The following NR3C2 variants were observed in gnomAD, a reference collection of about 807,000 sequenced individuals.
The protein encoded by NR3C2 is mineralocorticoid receptor.
A neutral mutation model predicts 86.4 loss-of-function variants in NR3C2; 15 were observed. The observed-to-expected ratio is 0.17, with a 90% CI of 0.12 to 0.27. The LOEUF is 0.27. NR3C2 is among the 10% of genes least tolerant of loss of function. The probability of loss-of-function intolerance (pLI) is 1.00; values close to 1 mark genes in which losing one functional copy is unlikely to be tolerated. For synonymous variants in NR3C2, 458 were observed against 450.5 expected (o/e 1.02, Z -0.21); for missense variants, 960 against 1,195.6 (o/e 0.80, Z 2.91).
rs35947630 is a variant in NR3C2, at chr4:148,184,294, C to CA, written c.2014+10451dup. Among the ~76,000 whole-genome samples, 1,192 of 141,284 alleles carry CA rather than the reference C, an allele frequency of 8.4e-3. 8 individuals carry two copies. The highest frequency in any genetic ancestry group is 0.025 in the Middle Eastern group (7 of 276). 92.7% of individuals were successfully genotyped at this position (141,284 alleles called of 152,430 possible). A position where few individuals can be genotyped will look rare whatever the true frequency, so the allele number is the denominator to read the frequency against. ...TGAAACCCCAACTCTACTAAAAATACAAAAAAAAAAAAAAATTAGCTTGGT... is the reference window on the plus strand; with the variant it reads ...TGAAACCCCAACTCTACTAAAAATACAAAAAAAAAAAAAAAATTAGCTTGGT... On this transcript the variant is annotated intron_variant, in intron 4 of 8. Coordinates refer to ENST00000358102, the MANE Select transcript of NR3C2 (RefSeq NM_000901.5).
intron 8 of NR3C2, among the ~76,000 whole-genome samples, chr4:148,109,764 C>T (rs1399460707): frequency 6.6e-6 from 1 of 152,174 alleles, no homozygotes; most frequent in African/African-American, 2.4e-5. Context: ...GTCTATACTG[C>T]TAGGCAGGAG....
At chr4:148,101,406 A>C (rs1315276062) in intron 8 of NR3C2, among the ~76,000 whole-genome samples, 1 of 152,206 alleles carries the variant, frequency 6.6e-6, no homozygotes, top group Non-Finnish European at 1.5e-5. Flanking sequence ...ATCAAGCACG[A>C]AAGACTGAAG....
chr4:148,165,392 A>G (rs1734833701), intron 4 of NR3C2, among the ~76,000 whole-genome samples: 1 of 152,148 alleles, frequency 6.6e-6, no homozygotes, highest in Non-Finnish European at 1.5e-5. Flanking sequence ...AAAACTTTTA[A>G]TGAGGAATAA....
chr4:148,377,772 T>C (rs907378253), intron 2 of NR3C2, among the ~76,000 whole-genome samples: 4 of 151,702 alleles, frequency 2.6e-5, no homozygotes, highest in Non-Finnish European at 4.4e-5. Context: ...AGTAGTTTCC[T>C]GAGACTTTAT....
At chr4:148,350,190 C>A (rs941872264) in intron 2 of NR3C2, among the ~76,000 whole-genome samples, 1 of 152,098 alleles carries the variant, frequency 6.6e-6, no homozygotes, top group Non-Finnish European at 1.5e-5. Context: ...GATTAATTGC[C>A]CAAGCCAATG....
At chr4:148,114,322 C>T in intron 7 of NR3C2, 61 bp from the exon 8 acceptor site, 4 of 1,566,750 alleles carry the variant, frequency 2.6e-6, no homozygotes, top group South Asian at 1.1e-5. Flanking sequence ...AGCATCTTGG[C>T]AGGTAAAGTC....
intron 3 of NR3C2, among the ~76,000 whole-genome samples, chr4:148,252,477 T>C (rs3846322): frequency 0.21 from 31,436 of 152,140 alleles, 3,409 homozygotes; most frequent in Admixed American, 0.28. Context: ...ACTAAGTATT[T>C]TTCTCAAAAC....
intron 8 of NR3C2, among the ~76,000 whole-genome samples, chr4:148,109,218 A>G (rs567907606): frequency 6.6e-6 from 1 of 152,118 alleles, no homozygotes; most frequent in South Asian, 2.1e-4. Flanking sequence ...CACTTTCTTC[A>G]CAAGGCTTGG....
chr4:148,309,379 T>C (rs1742796386), intron 2 of NR3C2, among the ~76,000 whole-genome samples: 1 of 152,168 alleles, frequency 6.6e-6, no homozygotes. Flanking sequence ...CACCATCTAG[T>C]AAGAAGAGAC....
chr4:148,183,779 GT>G (rs1735752637), intron 4 of NR3C2, among the ~76,000 whole-genome samples: 1 of 152,108 alleles, frequency 6.6e-6, no homozygotes, highest in Admixed American at 6.5e-5. Context: ...ACCAAACTTT[GT>G]GCCCTGTACT....
At chr4:148,317,309 C>T (rs1743242776) in intron 2 of NR3C2, among the ~76,000 whole-genome samples, 1 of 149,074 alleles carries the variant, frequency 6.7e-6, no homozygotes. Context: ...GAGCTGAGAT[C>T]GCACCATTGC....
intron 8 of NR3C2, among the ~76,000 whole-genome samples, chr4:148,110,458 G>A (rs556486540): frequency 1.3e-5 from 2 of 152,316 alleles, no homozygotes; most frequent in East Asian, 3.9e-4. Flanking sequence ...ACTAGGCTCT[G>A]AGTATAGAGC....
At chr4:148,396,975 A>G (rs1747890961) in intron 2 of NR3C2, among the ~76,000 whole-genome samples, 2 of 152,124 alleles carry the variant, frequency 1.3e-5, no homozygotes, top group South Asian at 4.1e-4. Flanking sequence ...TTCATGGATT[A>G]TAAGACTAAG....
chr4:148,267,267 C>G (rs1740442774), intron 2 of NR3C2, among the ~76,000 whole-genome samples: 1 of 149,682 alleles, frequency 6.7e-6, no homozygotes, highest in South Asian at 2.1e-4. Flanking sequence ...ACCATTCCAT[C>G]TATAATTCTT....
intron 4 of NR3C2, among the ~76,000 whole-genome samples, chr4:148,182,362 A>C (rs906719749): frequency 6.6e-6 from 1 of 152,232 alleles, no homozygotes; most frequent in Non-Finnish European, 1.5e-5. Flanking sequence ...AAAAAATTAC[A>C]ATGTACACAA....
intron 4 of NR3C2, among the ~76,000 whole-genome samples, chr4:148,184,226 G>A (rs769531171): frequency 1.3e-4 from 20 of 151,830 alleles, no homozygotes; most frequent in Non-Finnish European, 2.5e-4. Context: ...CAAGGTGGGC[G>A]GATCACAAGG....
At chr4:148,218,922 T>C (rs191449891) in intron 3 of NR3C2, among the ~76,000 whole-genome samples, 7 of 152,348 alleles carry the variant, frequency 4.6e-5, no homozygotes, top group African/African-American at 1.2e-4. Flanking sequence ...TTTTCTTGTA[T>C]TGAATATAAA....
intron 2 of NR3C2, among the ~76,000 whole-genome samples, chr4:148,304,724 G>A (rs983245171): frequency 6.6e-6 from 1 of 152,220 alleles, no homozygotes; most frequent in South Asian, 2.1e-4. Flanking sequence ...CCTGCTCAGG[G>A]CCTTGTCTGG....
At chr4:148,318,962 C>T (rs2149949095) in intron 2 of NR3C2, among the ~76,000 whole-genome samples, 1 of 151,168 alleles carries the variant, frequency 6.6e-6, no homozygotes, top group Non-Finnish European at 1.5e-5. Context: ...ATGCCTATGT[C>T]CTGAATGGTA....
Sources: allele counts gnomAD v4.1 joint callset (sites outside exome capture counted in the v4.1 genomes callset), GRCh38; gene constraint gnomAD v4.1.1; transcripts MANE v1.5; gene names NCBI Gene and HGNC (gene_info 2026-07-23, HGNC 2026-07-21).